Variants in OSTF1 observed in about 807,000 individuals in gnomAD.
OSTF1 encodes osteoclast stimulating factor 1.
OSTF1 carries 27 observed loss-of-function variants against 37.2 expected under a neutral mutation model. The ratio of observed to expected loss-of-function variants is 0.73; its 90% CI spans 0.54 to 1.00. OSTF1 has a LOEUF of 1.00. OSTF1 is among the 50% of genes least tolerant of loss of function. OSTF1 has a pLI of 0.00. For synonymous variants in OSTF1, 82 were observed against 89.2 expected (o/e 0.92, Z 0.46); for missense variants, 232 against 253.8 (o/e 0.91, Z 0.58).
At chr9:75,115,064 G>C (rs539952170) in intron 1 of OSTF1, among the ~76,000 whole-genome samples, 7 of 152,208 alleles carry the variant, frequency 4.6e-5, no homozygotes, top group Non-Finnish European at 1.0e-4. Flanking sequence ...ATAAACGCAT[G>C]TGGATTTATA....
intron 7 of OSTF1, among the ~76,000 whole-genome samples, chr9:75,135,000 C>A (rs1320056525): frequency 6.6e-6 from 1 of 151,974 alleles, no homozygotes; most frequent in Non-Finnish European, 1.5e-5. Flanking sequence ...TCTTTTTTCT[C>A]CCTGGATTCA....
intron 2 of OSTF1, among the ~76,000 whole-genome samples, chr9:75,119,529 A>G (rs961827353): frequency 6.6e-6 from 1 of 152,220 alleles, no homozygotes; most frequent in African/African-American, 2.4e-5. Context: ...TCACAATTCC[A>G]GGAGCTAGAA....
At chr9:75,112,121 C>CTT in intron 1 of OSTF1, among the ~76,000 whole-genome samples, 1 of 143,128 alleles carries the variant, frequency 7.0e-6, no homozygotes, top group South Asian at 2.2e-4. Flanking sequence ...CAGCCTACTG[C>CTT]TTTTTTTTTT....
chr9:75,088,532 G>A lies in OSTF1; in HGVS notation c.-161G>A, dbSNP rs1000013149. 4.0e-6 allele frequency: 3 copies of A among 756,108 alleles called. No individual in the cohort carries two copies. The highest frequency in any genetic ancestry group is 2.7e-5 in the East Asian group (1 of 36,428). 46.8% of individuals were successfully genotyped at this position (756,108 alleles called of 1,614,324 possible). A position where few individuals can be genotyped will look rare whatever the true frequency, so the allele number is the denominator to read the frequency against. ...GCGGAGCACTCGGCGGAGCCGCTCTGCCTGCGTCCGCTCTTCCCGCAGCCA... is the reference window on the plus strand; with the variant it reads ...GCGGAGCACTCGGCGGAGCCGCTCTACCTGCGTCCGCTCTTCCCGCAGCCA... On this transcript the variant is annotated 5_prime_UTR_variant, in exon 1 of 10. Transcript: ENST00000346234.
intron 1 of OSTF1, among the ~76,000 whole-genome samples, chr9:75,098,423 A>AT (rs892108208): frequency 1.3e-5 from 2 of 151,798 alleles, no homozygotes; most frequent in Non-Finnish European, 1.5e-5. Context: ...ATAGGGCAGA[A>AT]TTTTTTTTTC....
At chr9:75,144,814 A>G (rs1237706650) in intron 9 of OSTF1, among the ~76,000 whole-genome samples, 1 of 151,864 alleles carries the variant, frequency 6.6e-6, no homozygotes, top group African/African-American at 2.4e-5. Context: ...TTACTTATTT[A>G]TTTACTTATG....
At chr9:75,090,577 A>G (rs532221552) in intron 1 of OSTF1, among the ~76,000 whole-genome samples, 4 of 152,186 alleles carry the variant, frequency 2.6e-5, no homozygotes, top group Non-Finnish European at 5.9e-5. Context: ...CCAGACACAA[A>G]GTTACCATAG....
chr9:75,136,244 G>C (rs1325597749), intron 7 of OSTF1, among the ~76,000 whole-genome samples: 2 of 152,096 alleles, frequency 1.3e-5, no homozygotes, highest in Non-Finnish European at 2.9e-5. Context: ...ATATCTTGCT[G>C]ATATAATATT....
chr9:75,141,343 A>AAAAG (rs1825941530), intron 9 of OSTF1, among the ~76,000 whole-genome samples: 1 of 147,920 alleles, frequency 6.8e-6, no homozygotes, highest in Non-Finnish European at 1.5e-5. Flanking sequence ...AAAAAAAGAT[A>AAAAG]AACTCTTCAG....
At chr9:75,141,404 A>T (rs2118633774) in intron 9 of OSTF1, among the ~76,000 whole-genome samples, 1 of 151,076 alleles carries the variant, frequency 6.6e-6, no homozygotes, top group Admixed American at 6.6e-5. Context: ...GAACCCCCAA[A>T]ATAGGACACC....
At chr9:75,119,552 G>A (rs1468584299) in intron 2 of OSTF1, among the ~76,000 whole-genome samples, 1 of 152,226 alleles carries the variant, frequency 6.6e-6, no homozygotes, top group Non-Finnish European at 1.5e-5. Context: ...CTGAGATCAA[G>A]GTGTCGGCAG....
At chr9:75,121,870 G>A (rs531055631) in intron 2 of OSTF1, among the ~76,000 whole-genome samples, 69 of 152,158 alleles carry the variant, frequency 4.5e-4, no homozygotes, top group Non-Finnish European at 7.8e-4. Context: ...GCTGGCATGT[G>A]CAGCTCCCCA....
In OSTF1 at chr9:75,147,033, ATTTTT is replaced by A. The variant is rs34855201; in HGVS notation, c.*310_*314del. 1.9e-5 allele frequency: 2 copies of A among 107,966 alleles called. No individual in the cohort carries two copies. Among genetic ancestry groups the A allele is most frequent in the East Asian group, 2.6e-4 (1 of 3,812 alleles). The allele number at this position is 107,966 out of a possible 1,614,324, so 6.7% of individuals were successfully genotyped here. A position where few individuals can be genotyped will look rare whatever the true frequency, so the allele number is the denominator to read the frequency against. ...TTTTTTTCTTTAAAAACAAATTAGG[ATTTTT>A]TTTTTTTTTTTTTTTTTAGTTAAAA... On this transcript the variant is annotated 3_prime_UTR_variant, in exon 10 of 10. Coordinates refer to ENST00000346234, the MANE Select transcript of OSTF1 (RefSeq NM_012383.5).
chr9:75,129,916 G>T (rs1825736828), intron 3 of OSTF1, among the ~76,000 whole-genome samples: 1 of 152,148 alleles, frequency 6.6e-6, no homozygotes, highest in South Asian at 2.1e-4. Context: ...CTTTTAAGCT[G>T]TGATAATGGC....
At chr9:75,129,744 G>A (rs1183424816) in intron 3 of OSTF1, among the ~76,000 whole-genome samples, 1 of 152,102 alleles carries the variant, frequency 6.6e-6, no homozygotes, top group African/African-American at 2.4e-5. Context: ...CATTGTAAGA[G>A]ATAAAAAAGA....
chr9:75,123,552 A>G (rs1374724001), intron 2 of OSTF1, among the ~76,000 whole-genome samples: 1 of 152,272 alleles, frequency 6.6e-6, no homozygotes, highest in Non-Finnish European at 1.5e-5. Context: ...GTAGGTGCTC[A>G]TTGAACAATT....
chr9:75,122,442 A>T (rs1825595326), intron 2 of OSTF1, among the ~76,000 whole-genome samples: 1 of 152,244 alleles, frequency 6.6e-6, no homozygotes, highest in Admixed American at 6.5e-5. Flanking sequence ...GGTCAAGTAT[A>T]CTTTGCAAGT....
At chr9:75,127,664 T>C (rs1825682911) in intron 3 of OSTF1, 45 bp downstream of exon 3, 10 of 995,604 alleles carry the variant, frequency 1.0e-5, no homozygotes, top group Non-Finnish European at 1.4e-5. Flanking sequence ...AAAGACTGTT[T>C]TATGTAGCTA....
At position 75,088,848 on chromosome 9, in the gene OSTF1, G is replaced by GC. The variant is rs1386281244; in HGVS notation, c.34+126dup. The GC allele has an allele frequency of 7.6e-6, 7 of 926,730 alleles. No homozygotes were observed. In the African/African-American group the frequency reaches 1.2e-4, roughly 15 times the overall value. The allele number at this position is 926,730 out of a possible 1,614,324, so 57.4% of individuals were successfully genotyped here. ...GCCCCGAGCCTGGCTTCCGAGATCG[G>GC]CCCCACCGGGATGGGCGCTCTTAGT... is the stretch of plus-strand genomic sequence containing the variant. On this transcript the variant is annotated intron_variant, in intron 1 of 9. Coordinates refer to ENST00000346234, the MANE Select transcript of OSTF1 (RefSeq NM_012383.5).
Sources: allele counts gnomAD v4.1 joint callset (sites outside exome capture counted in the v4.1 genomes callset), GRCh38; gene constraint gnomAD v4.1.1; transcripts MANE v1.5; gene names NCBI Gene and HGNC (gene_info 2026-07-23, HGNC 2026-07-21).